The following PARP4 variants were observed in gnomAD, a reference collection of about 807,000 sequenced individuals.
PARP4 encodes protein mono-ADP-ribosyltransferase PARP4.
Under a neutral mutation model 187.7 loss-of-function variants are expected in PARP4, and 120 were observed. The ratio of observed to expected loss-of-function variants is 0.64; its 90% CI spans 0.55 to 0.74. The LOEUF (loss-of-function observed/expected upper bound fraction) is 0.74. Ranked by LOEUF, PARP4 falls within the 30% of genes least tolerant of loss-of-function variation. The pLI is 0.00. For missense variants in PARP4, 1,836 were observed against 2,070.5 expected (o/e 0.89, Z 2.20); for synonymous variants, 654 against 740.9 (o/e 0.88, Z 1.90).
At chr13:24,472,202 G>A (rs1281363003) in intron 15 of PARP4, among the ~76,000 whole-genome samples, 1 of 152,156 alleles carries the variant, frequency 6.6e-6, no homozygotes, top group African/African-American at 2.4e-5. Context: ...ATTAAGTACT[G>A]CATGTGGAAA....
chr13:24,485,499 G>GT (rs953446314), intron 11 of PARP4, among the ~76,000 whole-genome samples: 2 of 151,998 alleles, frequency 1.3e-5, no homozygotes, highest in African/African-American at 4.8e-5. Context: ...TGGTTTTTTG[G>GT]TTTTTTCTTT....
chr13:24,443,311 A>C (rs1012954220), intron 28 of PARP4, among the ~76,000 whole-genome samples: 2 of 152,070 alleles, frequency 1.3e-5, no homozygotes. Flanking sequence ...CTCATCAGTA[A>C]GATGGGAATA....
chr13:24,475,341 G>T lies in PARP4; in HGVS notation c.1914+131C>A, dbSNP rs112805107. On this transcript the variant is annotated intron_variant, in intron 15 of 33. Transcript: ENST00000381989. Reference sequence around the variant, plus strand: ...GCTAGTCCCTGGCATGGAGTGCTCAGTGAATATCTCTTGAATAAAATACAT... The same window carrying T: ...GCTAGTCCCTGGCATGGAGTGCTCATTGAATATCTCTTGAATAAAATACAT... 36 of 897,284 alleles carry T rather than the reference G, an allele frequency of 4.0e-5. No individual in the cohort carries two copies. In the African/African-American group the frequency reaches 5.3e-4, roughly 13 times the overall value. 55.6% of individuals were successfully genotyped at this position (897,284 alleles called of 1,614,324 possible). A position where few individuals can be genotyped will look rare whatever the true frequency, so the allele number is the denominator to read the frequency against.
In PARP4 at chr13:24,443,337, G is replaced by A. The variant is rs572750128; in HGVS notation, c.3447+313C>T. On this transcript the variant is annotated intron_variant, in intron 28 of 33. Transcript: ENST00000381989. ...GATGGGAATACTAACGCTACCACAC[G>A]AGAGATCTGAGGTGACGTCCACTAC... Among the ~76,000 whole-genome samples the A allele has an allele frequency of 3.9e-5, 6 of 152,236 alleles. 1 individual carries two copies. The highest frequency in any genetic ancestry group is 2.1e-4 in the South Asian group (1 of 4,812).
chr13:24,426,379 A>G lies in PARP4; in HGVS notation c.4979+87T>C, dbSNP rs1870050209. The G allele has an allele frequency of 2.8e-6, 3 of 1,071,940 alleles. No individual in the cohort carries two copies. In the East Asian group the frequency reaches 7.5e-5, roughly 27 times the overall value. The allele number at this position is 1,071,940 out of a possible 1,614,324, so 66.4% of individuals were successfully genotyped here. Reference sequence around the variant, plus strand: ...TACATACTTATAGTGTACACATGTAAGATAATTCCCTATAGCTGTTTCTAA... The same window carrying G: ...TACATACTTATAGTGTACACATGTAGGATAATTCCCTATAGCTGTTTCTAA... On this transcript the variant is annotated intron_variant, in intron 33 of 33. Coordinates refer to ENST00000381989, the MANE Select transcript of PARP4 (RefSeq NM_006437.4).
At chr13:24,504,186 A>G (rs574697151) in intron 1 of PARP4, among the ~76,000 whole-genome samples, 1 of 152,078 alleles carries the variant, frequency 6.6e-6, no homozygotes, top group Non-Finnish European at 1.5e-5. Context: ...AAGACTCTTT[A>G]TGTGGACTTC....
chr13:24,425,602 T>TAC (rs1870008455), intron 33 of PARP4, among the ~76,000 whole-genome samples: 2 of 148,196 alleles, frequency 1.3e-5, no homozygotes, highest in Admixed American at 6.7e-5. Context: ...TCTATATCTA[T>TAC]ATCTATATAT....
chr13:24,495,302 T>C (rs909923063), intron 6 of PARP4, among the ~76,000 whole-genome samples: 1 of 152,052 alleles, frequency 6.6e-6, no homozygotes, highest in African/African-American at 2.4e-5. Flanking sequence ...CTTCCAAGTC[T>C]ACAGACTCCT....
At chr13:24,494,146 C>G (rs2137534254) in intron 7 of PARP4, among the ~76,000 whole-genome samples, 1 of 152,302 alleles carries the variant, frequency 6.6e-6, no homozygotes, top group South Asian at 2.1e-4. Flanking sequence ...ACTTCCATGC[C>G]TTTCTATGAG....
At chr13:24,510,533 G>A (rs9553329) in intron 1 of PARP4, among the ~76,000 whole-genome samples, 20,713 of 136,500 alleles carry the variant, frequency 0.15, 1,743 homozygotes, top group East Asian at 0.3. Context: ...CAGCCTGGGC[G>A]ACAGAGCGAG....
In PARP4 at chr13:24,494,613, G is replaced by C. The variant is rs201338352; in HGVS notation, c.701C>G (p.Thr234Arg). The change falls in exon 7 of 34, where the codon ACA (threonine) becomes AGA (arginine). Residue 234 changes from threonine to arginine, a missense_variant. This residue lies in a region of PARP4 where 1,147 missense variants were observed against 1,214.2 expected (regional missense o/e 0.94). Transcript: ENST00000381989. The part of the protein sequence containing the change: ...KQGFLLREHF[T>R]PEATQLASEQ... ...AGATGCTAATTGGGTTGCTTCAGGT[G>C]TGAAATGTTCTCTTAGTAGAAATCC... 6 of 1,611,690 alleles carry C rather than the reference G, an allele frequency of 3.7e-6. No homozygotes were observed. The African/African-American group carries it at 8.0e-5, about 22-fold the overall frequency.
Position 24,455,125 on chromosome 13 carries a change from A to G in PARP4, c.2650T>C (p.Ser884Pro). 2 of 1,613,418 alleles carry G rather than the reference A, an allele frequency of 1.2e-6. No individual in the cohort carries two copies. The highest frequency in any genetic ancestry group is 2.2e-5 in the South Asian group (2 of 91,044). ...ESEVIICLDC[S>P]SSMEGVTFLQ... Reference sequence around the variant, plus strand: ...AATGTCACACCCTCCATGGAACTGGAGCAGTCAAGACAAATAATCACTTCG... The same window carrying G: ...AATGTCACACCCTCCATGGAACTGGGGCAGTCAAGACAAATAATCACTTCG... Residue 884 changes from serine (S) to proline (P), a missense_variant, in exon 22 of 34, where the codon TCC becomes CCC. Physicochemically the swap from Ser to Pro is moderately conservative, Grantham distance 74. Around this residue, in one of 8 missense-constraint regions of PARP4, gnomAD observed 1,147 missense variants for 1,214.2 expected, o/e 0.94. Transcript: ENST00000381989.
In PARP4 at chr13:24,453,317, C is replaced by T. The variant is rs192592192; in HGVS notation, c.2826+270G>A. On this transcript the variant is annotated intron_variant, in intron 23 of 33. Transcript: ENST00000381989. ...TGGCTGCATTTTAAGAGAAAAAAAA[C>T]AAAGGACAGAAGAAAACTTCTCAAA... Among the ~76,000 whole-genome samples, 928 of 150,844 alleles carry T rather than the reference C, an allele frequency of 6.2e-3. 3 individuals are homozygous for T. Among genetic ancestry groups the T allele is most frequent in the Non-Finnish European group, 9.3e-3 (633 of 67,788 alleles).
intron 12 of PARP4, among the ~76,000 whole-genome samples, chr13:24,480,638 T>C (rs1485036420): frequency 6.6e-6 from 1 of 152,174 alleles, no homozygotes; most frequent in East Asian, 1.9e-4. Context: ...ATGGTCTGGA[T>C]AGAAGATCAA....
At chr13:24,498,582 G>C (rs906932150) in intron 5 of PARP4, among the ~76,000 whole-genome samples, 1 of 152,066 alleles carries the variant, frequency 6.6e-6, no homozygotes, top group Admixed American at 6.5e-5. Context: ...TTGAAGGCTA[G>C]TGTCGATTTA....
intron 10 of PARP4, among the ~76,000 whole-genome samples, chr13:24,489,694 A>G (rs1868526126): frequency 1.3e-5 from 2 of 152,174 alleles, no homozygotes; most frequent in African/African-American, 2.4e-5. Flanking sequence ...GGATTTTGAG[A>G]ATGATAAAGG....
intron 12 of PARP4, among the ~76,000 whole-genome samples, chr13:24,484,411 G>A (rs1307823930): frequency 6.6e-6 from 1 of 152,138 alleles, no homozygotes; most frequent in African/African-American, 2.4e-5. Flanking sequence ...GGGCTCAAGT[G>A]ATCCTCCCAC....
intron 6 of PARP4, among the ~76,000 whole-genome samples, chr13:24,496,604 G>A (rs1000874923): frequency 2.0e-5 from 3 of 152,168 alleles, no homozygotes; most frequent in African/African-American, 7.2e-5. Context: ...ACATCCACCT[G>A]ACGTGAGTCT....
chr13:24,447,605 T>C (rs1871279176), intron 25 of PARP4, among the ~76,000 whole-genome samples: 1 of 152,152 alleles, frequency 6.6e-6, no homozygotes, highest in Non-Finnish European at 1.5e-5. Context: ...AGGTGAGCCA[T>C]CTGCCTCAGC....
Sources: allele counts gnomAD v4.1 joint callset (sites outside exome capture counted in the v4.1 genomes callset), GRCh38; gene constraint gnomAD v4.1.1; regional missense constraint gnomAD v4.1.1; transcripts MANE v1.5; gene names NCBI Gene and HGNC (gene_info 2026-07-23, HGNC 2026-07-21).